Variants in NAV2 observed in about 807,000 individuals in gnomAD.
NAV2 encodes the protein helicase, APC down-regulated 1.
A neutral mutation model predicts 223.2 loss-of-function variants in NAV2; 54 were observed. That is an observed-to-expected ratio of 0.24 (90% CI 0.19 to 0.30). The LOEUF (loss-of-function observed/expected upper bound fraction) is 0.30. NAV2 is among the 10% of genes least tolerant of loss of function. NAV2 has a pLI of 1.00. For synonymous variants in NAV2, 1,279 were observed against 1,239.3 expected, an observed-to-expected ratio of 1.03 and a Z score of -0.67; for missense variants, 2,806 against 3,147.5, an observed-to-expected ratio of 0.89 and a Z score of 2.60.
intron 1 of NAV2, among the ~76,000 whole-genome samples, chr11:19,598,322 G>A (rs750920266): frequency 1.3e-4 from 20 of 152,256 alleles, no homozygotes; most frequent in East Asian, 3.9e-4. Context: ...GTAGCCATCC[G>A]TGAGCCGAGG....
At chr11:19,899,021 T>C (rs1322613448) in intron 6 of NAV2, among the ~76,000 whole-genome samples, 1 of 152,206 alleles carries the variant, frequency 6.6e-6, no homozygotes, top group African/African-American at 2.4e-5. Flanking sequence ...CAGACTCAGT[T>C]TCCCCTCTGT....
At chr11:19,970,051 C>G (rs1182207456) in intron 10 of NAV2, among the ~76,000 whole-genome samples, 3 of 152,184 alleles carry the variant, frequency 2.0e-5, no homozygotes, top group Non-Finnish European at 4.4e-5. Context: ...AATGTGGTCT[C>G]TCTCTCTCTC....
rs1451310571 is a variant in NAV2 at position 19,877,237 on chromosome 11, C to CAT, written c.512-2628_512-2627dup. 2.6e-5 allele frequency among the ~76,000 whole-genome samples: 4 copies of CAT among 151,704 alleles called. No individual in the cohort carries two copies. In the East Asian group the frequency reaches 7.7e-4, roughly 29 times the overall value. ...ATTGTAAGGATTAAATGAGATCATG[C>CAT]ATATAAAGAGCTTAGCCTGATACAC... On this transcript the variant is annotated intron_variant, in intron 4 of 37. Transcript: ENST00000349880.
chr11:19,993,575 C>A (rs2051555726), intron 11 of NAV2, among the ~76,000 whole-genome samples: 2 of 151,932 alleles, frequency 1.3e-5, no homozygotes, highest in South Asian at 4.2e-4. Context: ...TTGATGTTTC[C>A]CCCCTCCCCC....
chr11:19,481,506 G>A (rs1387219590), intron 1 of NAV2, among the ~76,000 whole-genome samples: 1 of 152,186 alleles, frequency 6.6e-6, no homozygotes, highest in African/African-American at 2.4e-5. Flanking sequence ...TTCAAGTACT[G>A]ACTCTTCCAC....
intron 6 of NAV2, among the ~76,000 whole-genome samples, chr11:19,908,893 A>G (rs1442103878): frequency 6.6e-6 from 1 of 152,196 alleles, no homozygotes; most frequent in African/African-American, 2.4e-5. Flanking sequence ...AAGAGTTGCT[A>G]GAGTTTCTTC....
At chr11:19,706,265 T>G (rs1017157999) in intron 1 of NAV2, among the ~76,000 whole-genome samples, 1 of 152,224 alleles carries the variant, frequency 6.6e-6, no homozygotes, top group Non-Finnish European at 1.5e-5. Context: ...CTTTGTGGGA[T>G]GAGGCAAGAT....
chr11:19,925,477 G>A (rs978337660), intron 6 of NAV2, among the ~76,000 whole-genome samples: 1 of 152,224 alleles, frequency 6.6e-6, no homozygotes, highest in East Asian at 1.9e-4. Context: ...CAGGCCGGGT[G>A]TGGTGGCTTA....
chr11:19,630,936 A>AAC lies in NAV2; in HGVS notation c.76-201547_76-201546insCA, dbSNP rs1554980149. 3.5e-3 allele frequency among the ~76,000 whole-genome samples: 518 copies of AAC among 147,482 alleles called. 11 individuals carry two copies. Among genetic ancestry groups the AAC allele is most frequent in the Non-Finnish European group, 4.1e-3 (272 of 67,106 alleles). On this transcript the variant is annotated intron_variant, in intron 1 of 37. Transcript: ENST00000360655. The stretch of plus-strand genomic sequence containing the variant: ...GGGTCCTGTTGCAAAAAAAAAAAAA[A>AAC]AGGAAAAAAGAAAAAAAAAAGAAAG...
intron 1 of NAV2, among the ~76,000 whole-genome samples, chr11:19,603,689 G>A (rs7102775): frequency 1 from 151,006 of 151,050 alleles, 75,481 homozygotes; most frequent in Non-Finnish European, 1. Context: ...AAAAGGGACT[G>A]GGCTGCTGCT....
intron 1 of NAV2, among the ~76,000 whole-genome samples, chr11:19,430,807 G>A (rs935637843): frequency 4.6e-5 from 7 of 152,162 alleles, no homozygotes; most frequent in East Asian, 1.9e-4. Flanking sequence ...ACAGATGTCC[G>A]TGGAAAGGTC....
intron 1 of NAV2, among the ~76,000 whole-genome samples, chr11:19,679,290 A>G (rs6483612): frequency 0.79 from 119,426 of 152,014 alleles, 49,537 homozygotes; most frequent in East Asian, 0.93. Context: ...ATTTATCTGG[A>G]CGTGGTGGCA....
intron 10 of NAV2, among the ~76,000 whole-genome samples, chr11:19,950,984 G>A (rs183959522): frequency 2.2e-3 from 338 of 152,310 alleles, no homozygotes; most frequent in Non-Finnish European, 3.5e-3. Flanking sequence ...TGCCTTCTGC[G>A]TATGGGGCAG....
At chr11:20,080,281 A>T (rs909241754) in intron 25 of NAV2, 72 bp downstream of exon 25, 5 of 1,438,990 alleles carry the variant, frequency 3.5e-6, no homozygotes, top group African/African-American at 1.4e-5. Flanking sequence ...GCATCTCCCC[A>T]GATAAAGTCC....
At chr11:19,896,544 A>G (rs1241011017) in intron 6 of NAV2, among the ~76,000 whole-genome samples, 1 of 152,200 alleles carries the variant, frequency 6.6e-6, no homozygotes, top group Non-Finnish European at 1.5e-5. Context: ...TAGGATATGC[A>G]TAAAAATATG....
chr11:19,483,078 T>C (rs375204900), intron 1 of NAV2, among the ~76,000 whole-genome samples: 1 of 152,332 alleles, frequency 6.6e-6, no homozygotes, highest in East Asian at 1.9e-4. Context: ...AGACACAGTG[T>C]TAAGTCCTTT....
intron 1 of NAV2, among the ~76,000 whole-genome samples, chr11:19,739,218 C>T (rs1357031023): frequency 2.0e-5 from 3 of 152,170 alleles, no homozygotes; most frequent in Non-Finnish European, 2.9e-5. Flanking sequence ...AACTCTTACA[C>T]ACTTCCCTTG....
chr11:19,677,291 C>T (rs903103260), intron 1 of NAV2, among the ~76,000 whole-genome samples: 1 of 152,222 alleles, frequency 6.6e-6, no homozygotes, highest in Non-Finnish European at 1.5e-5. Flanking sequence ...GACTGCATCA[C>T]GAAGCATGAC....
At chr11:19,355,559 G>C (rs1853571115) in intron 1 of NAV2, among the ~76,000 whole-genome samples, 1 of 152,088 alleles carries the variant, frequency 6.6e-6, no homozygotes, top group Admixed American at 6.6e-5. Flanking sequence ...TTGCAACTCA[G>C]AATTGTTTGA....
Sources: allele counts gnomAD v4.1 joint callset (sites outside exome capture counted in the v4.1 genomes callset), GRCh38; gene constraint gnomAD v4.1.1; transcripts MANE v1.5; gene names NCBI Gene and HGNC (gene_info 2026-07-23, HGNC 2026-07-21).